The following KCNG2 variants were observed in gnomAD, a reference collection of about 807,000 sequenced individuals.
The protein encoded by KCNG2 is voltage-gated potassium channel regulatory subunit KCNG2.
Under a neutral mutation model 12.3 loss-of-function variants are expected in KCNG2, and 7 were observed. The observed-to-expected ratio is 0.57, with a 90% CI of 0.32 to 1.07. The LOEUF (loss-of-function observed/expected upper bound fraction) is 1.07, where lower values mean the gene tolerates loss of function less well. Ranked by LOEUF, KCNG2 falls within the 50% of genes least tolerant of loss-of-function variation. KCNG2 has a pLI of 0.04. For synonymous variants in KCNG2, 414 were observed against 351.4 expected, an observed-to-expected ratio of 1.18 and a Z score of -1.99; for missense variants, 703 against 726.0, an observed-to-expected ratio of 0.97 and a Z score of 0.36.
intron 1 of KCNG2, among the ~76,000 whole-genome samples, chr18:79,855,031 G>GT (rs1978962126): frequency 6.6e-6 from 1 of 151,800 alleles, no homozygotes; most frequent in Non-Finnish European, 1.5e-5. Flanking sequence ...GGGTTTTTTT[G>GT]TTTTTTGTTT....
intron 3 of KCNG2, among the ~76,000 whole-genome samples, chr18:79,886,988 C>G (rs1599431915): frequency 2.7e-5 from 1 of 36,700 alleles, no homozygotes; most frequent in Admixed American, 3.6e-4. Flanking sequence ...GGGATGGGAA[C>G]ATAGGGACGT....
At chr18:79,882,772 G>A (rs1980352778) in intron 3 of KCNG2, among the ~76,000 whole-genome samples, 1 of 146,466 alleles carries the variant, frequency 6.8e-6, no homozygotes, top group African/African-American at 2.5e-5. Context: ...GCGGAGGCCG[G>A]GTACACCTGC....
At chr18:79,828,897 GATGTGTGCATGTGTCTGTGTGTGTCT>G (rs1452570008) in intron 1 of KCNG2, among the ~76,000 whole-genome samples, 4 of 138,528 alleles carry the variant, frequency 2.9e-5, no homozygotes, top group African/African-American at 1.1e-4. Flanking sequence ...ACATGTCCAT[GATGTGTGCATGTGTCTGTGTGTGTCT>G]ATGTGTGCGT....
At chr18:79,876,005 G>C (rs1279921216) in intron 3 of KCNG2, 1 of 152,520 alleles carries the variant, frequency 6.6e-6, no homozygotes, top group African/African-American at 2.4e-5. Context: ...CTGCCCAGCA[G>C]CCCAGTGGCA....
Position 79,899,234 on chromosome 18 carries a change from C to T in KCNG2, c.819C>T (p.Gly273=), listed in dbSNP as rs2123140672. 6.3e-7 allele frequency: 1 copy of T among 1,598,366 alleles called. No homozygotes were observed. Among genetic ancestry groups the T allele is most frequent in the Non-Finnish European group, 8.5e-7 (1 of 1,178,276 alleles). Residue 273 remains glycine, a synonymous_variant, in exon 4 of 4, where the codon GGC becomes GGT. Coordinates refer to ENST00000316249, the MANE Select transcript of KCNG2 (RefSeq NM_012283.2). ...CGCTGCTGCTGGGGCTGGCGGCAGG[C>T]CCGGGCGGGACCAAGCTCCTGGAGC... ...YVSLLLGLAA[G]PGGTKLLERA...
chr18:79,818,996 G>A (rs1400043326), intron 1 of KCNG2, among the ~76,000 whole-genome samples: 3 of 152,202 alleles, frequency 2.0e-5, no homozygotes, highest in Admixed American at 1.3e-4. Flanking sequence ...GTTCTGCTGG[G>A]GGCTCCACAA....
At chr18:79,858,013 TA>T (rs1375973629) in intron 2 of KCNG2, among the ~76,000 whole-genome samples, 1 of 152,192 alleles carries the variant, frequency 6.6e-6, no homozygotes, top group East Asian at 1.9e-4. Context: ...TTATTTATTT[TA>T]TTTTTTGAGA....
chr18:79,881,334 A>G (rs1440237225), intron 3 of KCNG2, among the ~76,000 whole-genome samples: 2 of 152,188 alleles, frequency 1.3e-5, no homozygotes, highest in Admixed American at 1.3e-4. Flanking sequence ...ACGATTGGAA[A>G]GCAAGAGAAC....
intron 3 of KCNG2, among the ~76,000 whole-genome samples, chr18:79,895,600 C>T (rs1980940374): frequency 6.6e-6 from 1 of 151,642 alleles, no homozygotes; most frequent in Non-Finnish European, 1.5e-5. Flanking sequence ...TGATCGGGTT[C>T]TTCATTCTTA....
rs200606425 is a variant in KCNG2, at chr18:79,899,084, C to T, written c.669C>T (p.Thr223=). The T allele has an allele frequency of 1.3e-5, 20 of 1,597,820 alleles. No individual in the cohort carries two copies. In the East Asian group the frequency reaches 2.1e-4, roughly 16 times the overall value. The change falls in exon 4 of 4, where the codon ACC becomes ACT. Residue 223 remains threonine, a synonymous_variant. Transcript: ENST00000316249. ...PKCRSLFVLE[T]VCVAWFSFEF... ...GCCGCAGCCTGTTCGTGCTGGAGAC[C>T]GTGTGCGTGGCCTGGTTCTCCTTCG... is the stretch of plus-strand genomic sequence containing the variant.
chr18:79,866,444 G>T (rs78455075), intron 3 of KCNG2, among the ~76,000 whole-genome samples: 37,726 of 67,224 alleles, frequency 0.56, 12,299 homozygotes, highest in Non-Finnish European at 0.64. Context: ...GAGAGGTCTG[G>T]GTGCTGAGAG....
intron 1 of KCNG2, among the ~76,000 whole-genome samples, chr18:79,838,384 C>G (rs1057281221): frequency 6.6e-6 from 1 of 151,698 alleles, no homozygotes; most frequent in Non-Finnish European, 1.5e-5. Context: ...TTAAATCATA[C>G]TTCTAAATAA....
chr18:79,865,521 TGAGGTCTGTGTGCTGA>T (rs1387827197), intron 3 of KCNG2, among the ~76,000 whole-genome samples: 172 of 58,714 alleles, frequency 2.9e-3, no homozygotes, highest in African/African-American at 8.9e-3. Flanking sequence ...GTCTGGGTGC[TGAGGTCTGTGTGCTGA>T]GAGGTCTGGG....
At chr18:79,864,593 C>G (rs1203026389) in intron 3 of KCNG2, among the ~76,000 whole-genome samples, 1 of 152,246 alleles carries the variant, frequency 6.6e-6, no homozygotes, top group Non-Finnish European at 1.5e-5. Flanking sequence ...CTGCTCAGCC[C>G]ATCAGGCCTT....
chr18:79,850,185 G>T (rs774831431), intron 1 of KCNG2, among the ~76,000 whole-genome samples: 1 of 151,830 alleles, frequency 6.6e-6, no homozygotes, highest in Non-Finnish European at 1.5e-5. Context: ...CACATGCATG[G>T]ATACATGGAT....
At chr18:79,816,813 C>T (rs558634728) in intron 1 of KCNG2, among the ~76,000 whole-genome samples, 10 of 152,280 alleles carry the variant, frequency 6.6e-5, no homozygotes, top group East Asian at 1.9e-4. Context: ...AGAAAGAAAC[C>T]GGGGACCAGA....
At position 79,899,801 on chromosome 18, in the gene KCNG2, G is replaced by A; in HGVS notation, c.1386G>A (p.Val462=). The A allele has an allele frequency of 7.1e-7, 1 of 1,413,994 alleles. No homozygotes were observed. 87.6% of individuals were successfully genotyped at this position (1,413,994 alleles called of 1,614,324 possible). ...ACGACTCCGCGGATGCGCTGTGGGT[G>A]CGGGCAGGGCGCTGACGCCTGCGCC... ...LADDSADALW[V]RAGR The change falls in exon 4 of 4, where the codon GTG becomes GTA. Residue 462 remains valine (V), a synonymous_variant. Transcript: ENST00000316249.
intron 3 of KCNG2, among the ~76,000 whole-genome samples, chr18:79,869,946 C>T (rs1481404819): frequency 6.6e-6 from 1 of 152,258 alleles, no homozygotes; most frequent in Non-Finnish European, 1.5e-5. Flanking sequence ...TAGGGACACA[C>T]ACGGGTCTGA....
Position 79,899,856 on chromosome 18 carries a change from G to C in KCNG2, c.*40G>C, listed in dbSNP as rs1403910478. 2.5e-5 allele frequency: 32 copies of C among 1,303,442 alleles called. No homozygotes were observed. The highest frequency in any genetic ancestry group is 3.0e-5 in the Non-Finnish European group (31 of 1,029,008). The allele number at this position is 1,303,442 out of a possible 1,614,324, so 80.7% of individuals were successfully genotyped here. Reference sequence around the variant, plus strand: ...ACACGGAGACCCCCTGCCCCCTCCAGCTGCAGCGTCGGGACCCCCGAGGTG... The same window carrying C: ...ACACGGAGACCCCCTGCCCCCTCCACCTGCAGCGTCGGGACCCCCGAGGTG... On this transcript the variant is annotated 3_prime_UTR_variant, in exon 4 of 4. Coordinates refer to ENST00000316249, the MANE Select transcript of KCNG2 (RefSeq NM_012283.2).
Sources: allele counts gnomAD v4.1 joint callset (sites outside exome capture counted in the v4.1 genomes callset), GRCh38; gene constraint gnomAD v4.1.1; transcripts MANE v1.5; gene names NCBI Gene and HGNC (gene_info 2026-07-23, HGNC 2026-07-21).